EPAS1: variants seen among roughly 807,000 people sequenced by gnomAD.
The protein encoded by EPAS1 is endothelial PAS domain protein 1, also known as endothelial PAS domain-containing protein 1.
In EPAS1, 23 loss-of-function variants were observed where a neutral mutation model predicts 87.9. That is an observed-to-expected ratio of 0.26 (90% CI 0.19 to 0.37). EPAS1 has a LOEUF of 0.37. EPAS1 is among the 10% of genes least tolerant of loss of function. The pLI is 1.00. For synonymous variants in EPAS1, 508 were observed against 444.3 expected (o/e 1.14, Z -1.80); for missense variants, 1,138 against 1,120.7 (o/e 1.02, Z -0.22).
intron 1 of EPAS1, among the ~76,000 whole-genome samples, chr2:46,344,477 C>T (rs1175779652): frequency 6.6e-6 from 1 of 152,232 alleles, no homozygotes; most frequent in Non-Finnish European, 1.5e-5. Context: ...TTTCACCTGA[C>T]CCTCCTGATC....
At chr2:46,345,850 A>G (rs962356224) in intron 1 of EPAS1, among the ~76,000 whole-genome samples, 15 of 152,188 alleles carry the variant, frequency 9.9e-5, no homozygotes, top group African/African-American at 3.6e-4. Flanking sequence ...AATTAGTATT[A>G]GCTAACATTG....
chr2:46,384,489 G>A lies in EPAS1; in HGVS notation c.2462-20G>A. On this transcript the variant is annotated intron_variant, in intron 15 of 15. Coordinates refer to ENST00000263734, the MANE Select transcript of EPAS1 (RefSeq NM_001430.5). ...TGTTCGATTTAGGCCTTTAAGTTAT[G>A]GTACCAACCCTTCTTTCAGGCATGG... The A allele has an allele frequency of 6.2e-7, 1 of 1,614,206 alleles. No individual in the cohort carries two copies. Among genetic ancestry groups the A allele is most frequent in the Non-Finnish European group, 8.5e-7 (1 of 1,180,030 alleles).
In EPAS1 at chr2:46,306,329, C is replaced by G. The variant is rs1388561536; in HGVS notation, c.26+8392C>G. Among the ~76,000 whole-genome samples, 3 of 152,198 alleles carry G rather than the reference C, an allele frequency of 2.0e-5. No individual in the cohort carries two copies. The East Asian group carries it at 5.8e-4, about 29-fold the overall frequency. On this transcript the variant is annotated intron_variant, in intron 1 of 15. Transcript: ENST00000263734. ...GGCAGGGAGCAAGAAGACCAGCATG[C>G]TTTCCTTCCTTTATATTTGGGAAAT...
chr2:46,367,298 A>T (rs952931743), intron 6 of EPAS1, among the ~76,000 whole-genome samples: 4 of 152,260 alleles, frequency 2.6e-5, no homozygotes, highest in African/African-American at 9.6e-5. Context: ...GTAGAAAGAC[A>T]TCTTTCCTAG....
rs1473643183 is a variant in EPAS1 at position 46,386,420 on chromosome 2, C to G, written c.*1760C>G. On this transcript the variant is annotated 3_prime_UTR_variant, in exon 16 of 16. Coordinates refer to ENST00000263734, the MANE Select transcript of EPAS1 (RefSeq NM_001430.5). ...TTTAGCTGCACGGCATTACCCCACA[C>G]AGGGTGGCAGAACTTGAAGGGTTAC... The G allele has an allele frequency of 6.6e-6, 1 of 152,650 alleles. No homozygotes were observed. The highest frequency in any genetic ancestry group is 6.5e-5 in the Admixed American group (1 of 15,284). 9.5% of individuals were successfully genotyped at this position (152,650 alleles called of 1,614,324 possible).
At chr2:46,316,642 ATCT>A (rs1265623719) in intron 1 of EPAS1, among the ~76,000 whole-genome samples, 9 of 152,170 alleles carry the variant, frequency 5.9e-5, no homozygotes, top group African/African-American at 1.9e-4. Context: ...GTGAGTCATA[ATCT>A]TCTTACTGGG....
At chr2:46,316,779 C>A (rs1433330045) in intron 1 of EPAS1, among the ~76,000 whole-genome samples, 1 of 152,182 alleles carries the variant, frequency 6.6e-6, no homozygotes, top group Admixed American at 6.5e-5. Context: ...TCAATAGAGT[C>A]TTCTTTTCAG....
intron 1 of EPAS1, among the ~76,000 whole-genome samples, chr2:46,342,271 G>A (rs1572629433): frequency 6.6e-6 from 1 of 152,194 alleles, no homozygotes; most frequent in Non-Finnish European, 1.5e-5. Context: ...GGAGCTGGGT[G>A]TGTTTCTCCT....
At chr2:46,363,168 T>C (rs887117622) in intron 6 of EPAS1, among the ~76,000 whole-genome samples, 1 of 152,322 alleles carries the variant, frequency 6.6e-6, no homozygotes, top group South Asian at 2.1e-4. Flanking sequence ...ACCTCAGTAG[T>C]CTTGTGAGAT....
chr2:46,358,749 A>T (rs6740096), intron 4 of EPAS1, among the ~76,000 whole-genome samples: 96,573 of 152,164 alleles, frequency 0.63, 32,167 homozygotes, highest in East Asian at 0.89. Flanking sequence ...ACTCAATGCA[A>T]CAGCAAATCT....
chr2:46,350,351 A>C (rs1684123513), intron 2 of EPAS1, among the ~76,000 whole-genome samples: 1 of 152,228 alleles, frequency 6.6e-6, no homozygotes, highest in Non-Finnish European at 1.5e-5. Context: ...AAAAGGCTAA[A>C]AAATACCAGG....
rs1240574043 is a variant in EPAS1, at chr2:46,382,542, A to C, written c.2405A>C (p.Gln802Pro). The change falls in exon 15 of 16, where the codon CAG becomes CCG. Residue 802 changes from glutamine to proline, a missense_variant. Coordinates refer to ENST00000263734, the MANE Select transcript of EPAS1 (RefSeq NM_001430.5). Reference protein sequence around the residue: ...GENSKSRFPPQCYATQYQDYS... With the variant: ...GENSKSRFPPPCYATQYQDYS... ...AACAGCAAGAGCAGGTTCCCCCCAC[A>C]GTGCTACGCCACCCAGTACCAGGAC... The C allele has an allele frequency of 9.3e-6, 15 of 1,614,048 alleles. 1 individual carries two copies. Among genetic ancestry groups the C allele is most frequent in the Middle Eastern group, 1.6e-4 (1 of 6,084 alleles).
Position 46,375,881 on chromosome 2 carries a change from G to C in EPAS1, c.1034+44G>C, listed in dbSNP as rs1333085044. ...GCGGGCCTTGGTGCAGGGTATGTGG[G>C]GGTGCCCAAGCTTCCCAGACTCAGG... On this transcript the variant is annotated intron_variant, in intron 8 of 15. Coordinates refer to ENST00000263734, the MANE Select transcript of EPAS1 (RefSeq NM_001430.5). This position sits in a 1 kb window ranked among gnomAD's most constrained non-coding sequence, Gnocchi z 4.1. 5 of 1,613,378 alleles carry C rather than the reference G, an allele frequency of 3.1e-6. No individual in the cohort carries two copies.
At chr2:46,378,152 C>A in intron 10 of EPAS1, 65 bp downstream of exon 10, 1 of 1,539,166 alleles carries the variant, frequency 6.5e-7, no homozygotes, top group Admixed American at 2.0e-5. Flanking sequence ...TGCCAGATGG[C>A]TGAAGGGACA....
chr2:46,370,687 A>G (rs1479248706), intron 7 of EPAS1, among the ~76,000 whole-genome samples: 1 of 152,230 alleles, frequency 6.6e-6, no homozygotes, highest in Non-Finnish European at 1.5e-5. Flanking sequence ...AACTTTATAC[A>G]ATGTAGTTTT....
At chr2:46,358,979 G>C (rs1684328197) in intron 4 of EPAS1, among the ~76,000 whole-genome samples, 1 of 152,080 alleles carries the variant, frequency 6.6e-6, no homozygotes, top group South Asian at 2.1e-4. Context: ...GAATGAACAA[G>C]GCCAGGCACG....
rs776597427 is a variant in EPAS1 at position 46,382,092 on chromosome 2, G to A, written c.2287+3G>A. 3 of 1,613,324 alleles carry A rather than the reference G, an allele frequency of 1.9e-6. No homozygotes were observed. Among genetic ancestry groups the A allele is most frequent in the Non-Finnish European group, 2.5e-6 (3 of 1,179,830 alleles). Reference sequence around the variant, plus strand: ...ACTGAGCGCAAATGTACCCAATGGTGAGCAGCGGCCACAGGCCTGGGCCTC... The same window carrying A: ...ACTGAGCGCAAATGTACCCAATGGTAAGCAGCGGCCACAGGCCTGGGCCTC... On this transcript the variant is annotated splice_donor_region_variant and intron_variant, in intron 14 of 15. Coordinates refer to ENST00000263734, the MANE Select transcript of EPAS1 (RefSeq NM_001430.5).
At chr2:46,352,803 G>A (rs964621692) in intron 2 of EPAS1, among the ~76,000 whole-genome samples, 2 of 152,164 alleles carry the variant, frequency 1.3e-5, no homozygotes, top group African/African-American at 2.4e-5. Context: ...CATTGTGACC[G>A]CAGTCCCAAG....
At chr2:46,343,803 C>T (rs1683956585) in intron 1 of EPAS1, among the ~76,000 whole-genome samples, 1 of 152,224 alleles carries the variant, frequency 6.6e-6, no homozygotes, top group African/African-American at 2.4e-5. Context: ...GAGTATTCGC[C>T]TAGGAAGAGC....
Sources: gnomAD v4.1 joint callset for allele counts (sites outside exome capture counted in the v4.1 genomes callset) on GRCh38, gnomAD v4.1.1 for gene constraint, Gnocchi (gnomAD v3.1) non-coding constraint, MANE v1.5 for transcripts, NCBI Gene and HGNC (gene_info 2026-07-23, HGNC 2026-07-21) for gene names.